Variants in PRRC2A observed in about 807,000 individuals in gnomAD.
PRRC2A encodes protein PRRC2A.
In PRRC2A, 59 loss-of-function variants were observed where a neutral mutation model predicts 224.6. The observed-to-expected ratio is 0.26, with a 90% CI of 0.21 to 0.33. The LOEUF (loss-of-function observed/expected upper bound fraction) is 0.33, where lower values mean the gene tolerates loss of function less well. Ranked by LOEUF, PRRC2A falls within the 10% of genes least tolerant of loss-of-function variation. PRRC2A has a pLI of 1.00. For synonymous variants in PRRC2A, 1,194 were observed against 1,109.5 expected (o/e 1.08, Z -1.51); for missense variants, 3,095 against 2,880.7 (o/e 1.07, Z -1.70).
intron 2 of PRRC2A, chr6:31,623,119 C>T: frequency 2.6e-6 from 2 of 760,630 alleles, no homozygotes; most frequent in Non-Finnish European, 4.8e-6. Context: ...TGTCTTTGGA[C>T]ACGTAAGAAT....
rs1211259084 is a variant in PRRC2A at position 31,624,290 on chromosome 6, A to T, written c.320A>T (p.Glu107Val). The T allele has an allele frequency of 6.2e-7, 1 of 1,613,916 alleles. No homozygotes were observed. The highest frequency in any genetic ancestry group is 1.7e-5 in the Admixed American group (1 of 60,020). ...GATGCCTCAACCGCTCAGCCGCCGGAATCGCAGCCACTGCCGGCTTCACAG... is the reference window on the plus strand; with the variant it reads ...GATGCCTCAACCGCTCAGCCGCCGGTATCGCAGCCACTGCCGGCTTCACAG... ...SSDASTAQPP[E>V]SQPLPASQTP... is the part of the protein sequence containing the mutation. Residue 107 changes from glutamate (E) to valine (V), a missense_variant, in exon 4 of 31, where the codon GAA (glutamate) becomes GTA (valine). This residue lies in a region of PRRC2A where 52 missense variants were observed against 77.9 expected (regional missense o/e 0.67). Transcript: ENST00000376033.
In PRRC2A at chr6:31,625,800, C is replaced by T. The variant is rs1775840954; in HGVS notation, c.768C>T (p.Pro256=). The change falls in exon 8 of 31, where the codon CCC becomes CCT. Residue 256 remains proline (P), a synonymous_variant. Transcript: ENST00000376033. The surrounding 1 kb of genome is among the most constrained non-coding windows in gnomAD (Gnocchi z 4.1). ...GTTGGACCCTTTTACAGATGTATCC[C>T]CCATATCTCCCGTTCCCTCCGCCCT... ...YRGMMPPFMY[P]PYLPFPPPYG... is the part of the protein sequence containing the mutation. The T allele has an allele frequency of 1.3e-6, 2 of 1,577,232 alleles. No homozygotes were observed. Among genetic ancestry groups the T allele is most frequent in the Non-Finnish European group, 1.7e-6 (2 of 1,147,142 alleles).
chr6:31,624,120 C>T, intron 3 of PRRC2A, 141 bp from the exon 4 acceptor site: 1 of 1,093,034 alleles, frequency 9.1e-7, no homozygotes, highest in Non-Finnish European at 1.3e-6. Flanking sequence ...AGACAACAGC[C>T]TACAAAGGAT....
intron 14 of PRRC2A, among the ~76,000 whole-genome samples, 165 bp downstream of exon 14, chr6:31,630,010 C>A (rs1044954266): frequency 1.3e-5 from 2 of 152,172 alleles, no homozygotes; most frequent in South Asian, 4.1e-4. Context: ...CAAAAATGGG[C>A]TTAGTTAAGA....
rs1284090581 is a variant in PRRC2A at position 31,623,741 on chromosome 6, G to A, written c.122G>A (p.Arg41His). The A allele has an allele frequency of 6.2e-7, 1 of 1,614,016 alleles. No homozygotes were observed. Among genetic ancestry groups the A allele is most frequent in the South Asian group, 1.1e-5 (1 of 91,060 alleles). The change falls in exon 3 of 31, where the codon CGC becomes CAC. Residue 41 changes from arginine (R) to histidine (H), a missense_variant. Coordinates refer to ENST00000376033, the MANE Select transcript of PRRC2A (RefSeq NM_004638.4). ...LEIQKPAVAP[R>H]HGLQSLGKVA... ...CCGTCTTGTTCTCCAGTTGCCCCTC[G>A]CCATGGCCTGCAGAGTCTCGGGAAA...
chr6:31,630,897 C>T (rs1411629648), intron 15 of PRRC2A, 96 bp downstream of exon 15: 4 of 1,458,722 alleles, frequency 2.7e-6, no homozygotes, highest in South Asian at 2.5e-5. Context: ...TAGGGATGAA[C>T]GGGAAAGGAG....
At chr6:31,628,803 TG>T (rs1179397124) in intron 12 of PRRC2A, 2 of 286,116 alleles carry the variant, frequency 7.0e-6, no homozygotes, top group Non-Finnish European at 1.3e-5. Flanking sequence ...ACCATGCCAT[TG>T]CACTCCAGCC....
intron 2 of PRRC2A, chr6:31,623,181 G>A (rs778036277): frequency 5.6e-6 from 4 of 711,298 alleles, no homozygotes. Flanking sequence ...CTTGCTTCTT[G>A]CAGGCTCATG....
At position 31,633,923 on chromosome 6, in the gene PRRC2A, C is replaced by T. The variant is rs370676864; in HGVS notation, c.4653C>T (p.Ala1551=). Residue 1551 remains alanine, a synonymous_variant, in exon 18 of 31, where the codon GCC becomes GCT. Coordinates refer to ENST00000376033, the MANE Select transcript of PRRC2A (RefSeq NM_004638.4). The part of the protein sequence containing the change: ...RGVGGTPRDS[A]GVSPFPPKRR... Reference sequence around the variant, plus strand: ...TGGGTGGGACTCCTCGGGACTCTGCCGGGGTTAGTCCCTTTCCCCCTAAAC... The same window carrying T: ...TGGGTGGGACTCCTCGGGACTCTGCTGGGGTTAGTCCCTTTCCCCCTAAAC... 59 of 1,588,760 alleles carry T rather than the reference C, an allele frequency of 3.7e-5. No individual in the cohort carries two copies. In the Middle Eastern group the frequency reaches 5.0e-4, roughly 13 times the overall value.
At position 31,627,010 on chromosome 6, in the gene PRRC2A, G is replaced by A; in HGVS notation, c.1102G>A (p.Glu368Lys). 2 of 1,614,148 alleles carry A rather than the reference G, an allele frequency of 1.2e-6. No individual in the cohort carries two copies. Among genetic ancestry groups the A allele is most frequent in the South Asian group, 2.2e-5 (2 of 91,078 alleles). ...HRDSQSASGE[E>K]RPPEADGKKG... ...GGATTCCCAATCAGCTTCTGGTGAG[G>A]AACGGCCCCCTGAAGCAGATGGCAA... The change falls in exon 11 of 31, where the codon GAA (glutamate) becomes AAA (lysine). Residue 368 changes from glutamate to lysine, a missense_variant. Glu to Lys is a moderately conservative substitution (Grantham distance 56, BLOSUM62 1). Coordinates refer to ENST00000376033, the MANE Select transcript of PRRC2A (RefSeq NM_004638.4). This position sits in a 1 kb window ranked among gnomAD's most constrained non-coding sequence, Gnocchi z 5.6.
chr6:31,632,065 C>T lies in PRRC2A; in HGVS notation c.3392C>T (p.Thr1131Ile), dbSNP rs760905027. 3 of 1,568,734 alleles carry T rather than the reference C, an allele frequency of 1.9e-6. No homozygotes were observed. Among genetic ancestry groups the T allele is most frequent in the Non-Finnish European group, 2.6e-6 (3 of 1,155,024 alleles). The change falls in exon 16 of 31, where the codon ACA becomes ATA. Residue 1131 changes from threonine (T) to isoleucine (I), a missense_variant. Thr to Ile is a moderately conservative substitution (Grantham distance 89). This residue lies in a region of PRRC2A where 2,001 missense variants were observed against 1,764.9 expected (regional missense o/e 1.13). Transcript: ENST00000376033. ...DKEAPTPKEG[T>I]LTQVPLAPPP... ...GAGGCTCCCACACCCAAGGAGGGAA[C>T]ACTCACCCAGGTCCCTCTCGCTCCC...
chr6:31,625,788 A>G lies in PRRC2A; in HGVS notation c.760-4A>G, dbSNP rs770706582. ...TGAGCAGCTACTGTTGGACCCTTTT[A>G]CAGATGTATCCCCCATATCTCCCGT... On this transcript the variant is annotated splice_region_variant and splice_polypyrimidine_tract_variant and intron_variant, in intron 7 of 30. Transcript: ENST00000376033. This position sits in a 1 kb window ranked among gnomAD's most constrained non-coding sequence, Gnocchi z 4.1. 1.3e-6 allele frequency: 2 copies of G among 1,571,394 alleles called. No individual in the cohort carries two copies. Among genetic ancestry groups the G allele is most frequent in the Non-Finnish European group, 1.8e-6 (2 of 1,141,608 alleles).
chr6:31,634,053 T>C, intron 18 of PRRC2A, 64 bp downstream of exon 18: 1 of 1,582,546 alleles, frequency 6.3e-7, no homozygotes, highest in Admixed American at 2.0e-5. Flanking sequence ...TTCTGGGTTA[T>C]GTTTTCTCTG....
intron 20 of PRRC2A, 60 bp from the exon 21 acceptor site, chr6:31,634,693 A>G (rs1777107777): frequency 6.4e-7 from 1 of 1,569,666 alleles, no homozygotes; most frequent in Admixed American, 1.7e-5. Flanking sequence ...TGTGTGCATC[A>G]GTCAGGTATT....
chr6:31,632,882 C>T lies in PRRC2A; in HGVS notation c.4209C>T (p.Gly1403=). ...ERQNRRPGPG[G]KAGSSGSSSG... is the part of the protein sequence containing the mutation. ...AGAATCGGCGCCCTGGCCCAGGGGG[C>T]AAGGCTGGCAGCAGTGGCAGCAGCA... The change falls in exon 16 of 31, where the codon GGC becomes GGT. Residue 1403 remains glycine (G), a synonymous_variant. Transcript: ENST00000376033. 6.2e-7 allele frequency: 1 copy of T among 1,612,946 alleles called. No individual in the cohort carries two copies.
rs1219300882 is a variant in PRRC2A at position 31,633,497 on chromosome 6, C to G, written c.4438C>G (p.Leu1480Val). ...HSNPAGIQQA[L>V]AQLSSRQGSV... The stretch of plus-strand genomic sequence containing the variant: ...CAACCCTGCTGGCATCCAACAGGCT[C>G]TGGCCCAGCTTAGTAGCCGTCAAGG... Residue 1480 changes from leucine (L) to valine (V), a missense_variant, in exon 17 of 31, where the codon CTG (leucine) becomes GTG (valine). By Grantham distance (32) the Leu-to-Val change is conservative (BLOSUM62 1). Transcript: ENST00000376033. 1 of 1,613,008 alleles carries G rather than the reference C, an allele frequency of 6.2e-7. No homozygotes were observed. The highest frequency in any genetic ancestry group is 8.5e-7 in the Non-Finnish European group (1 of 1,180,046).
rs750318802 is a variant in PRRC2A, at chr6:31,633,663, T to A, written c.4588+16T>A. On this transcript the variant is annotated intron_variant, in intron 17 of 30. Transcript: ENST00000376033. ...CTCAGTTCTGGTAAGCTGGAGGGGT[T>A]ATGGGTGGGAATATCTCCATCCCCA... 16 of 1,597,338 alleles carry A rather than the reference T, an allele frequency of 1.0e-5. No homozygotes were observed. Among genetic ancestry groups the A allele is most frequent in the Non-Finnish European group, 1.4e-5 (16 of 1,171,516 alleles).
Position 31,632,406 on chromosome 6 carries a change from C to T in PRRC2A, c.3733C>T (p.His1245Tyr). The T allele has an allele frequency of 2.5e-6, 4 of 1,609,120 alleles. No individual in the cohort carries two copies. In the South Asian group the frequency reaches 3.3e-5, roughly 13 times the overall value. The part of the protein sequence containing the change: ...EDGERPRRRR[H>Y]GRAQQQDKPP... ...TGGGGAGCGACCCCGAAGGAGGCGA[C>T]ATGGGAGGGCTCAGCAGCAGGATAA... Residue 1245 changes from histidine (H) to tyrosine (Y), a missense_variant, in exon 16 of 31, where the codon CAT becomes TAT. By Grantham distance (83) the His-to-Tyr change is moderately conservative (BLOSUM62 2). Transcript: ENST00000376033.
At chr6:31,623,080 C>T (rs770967264) in intron 2 of PRRC2A, 179 bp downstream of exon 2, 6 of 764,794 alleles carry the variant, frequency 7.8e-6, no homozygotes, top group South Asian at 2.7e-5. Context: ...CACCAGTTAT[C>T]CTCCTACAAA....
Sources: allele counts gnomAD v4.1 joint callset (sites outside exome capture counted in the v4.1 genomes callset), GRCh38; gene constraint gnomAD v4.1.1; regional missense constraint gnomAD v4.1.1; non-coding constraint Gnocchi (gnomAD v3.1); transcripts MANE v1.5; gene names NCBI Gene and HGNC (gene_info 2026-07-23, HGNC 2026-07-21).